HSPA12A: variants seen among roughly 807,000 people sequenced by gnomAD.
HSPA12A encodes the protein heat shock protein family A (Hsp70) member 12A.
In HSPA12A, 28 loss-of-function variants were observed where a neutral mutation model predicts 69.2. The ratio of observed to expected loss-of-function variants is 0.40; its 90% CI spans 0.30 to 0.55. HSPA12A has a LOEUF of 0.55. Ranked by LOEUF, HSPA12A falls within the 20% of genes least tolerant of loss-of-function variation. The probability of loss-of-function intolerance (pLI) is 0.38; values close to 1 mark genes in which losing one functional copy is unlikely to be tolerated. For synonymous variants in HSPA12A, 345 were observed against 370.5 expected (o/e 0.93, Z 0.79); for missense variants, 686 against 900.7 (o/e 0.76, Z 3.05).
chr10:116,767,504 C>T (rs1554889902), intron 2 of HSPA12A, among the ~76,000 whole-genome samples: 1 of 152,236 alleles, frequency 6.6e-6, no homozygotes, highest in African/African-American at 2.4e-5. Context: ...CTCCCGGCCC[C>T]TCCCTTCTCT....
At chr10:116,681,741 G>C in intron 8 of HSPA12A, 50 bp downstream of exon 8, 1 of 1,529,260 alleles carries the variant, frequency 6.5e-7, no homozygotes, top group Non-Finnish European at 9.0e-7. Context: ...GGCTTTTCAC[G>C]AGCAGCACAG....
At chr10:116,750,490 G>T in intron 2 of HSPA12A, 1 of 504,460 alleles carries the variant, frequency 2.0e-6, no homozygotes, top group Non-Finnish European at 3.7e-6. Context: ...TGCATCGAAA[G>T]CACATCATCA....
chr10:116,812,948 A>G (rs1438506288), intron 2 of HSPA12A, among the ~76,000 whole-genome samples: 1 of 152,200 alleles, frequency 6.6e-6, no homozygotes, highest in East Asian at 1.9e-4. Flanking sequence ...ACCATGAGAC[A>G]TCTGCCAAGT....
At chr10:116,737,221 A>G (rs1554886510) in intron 1 of HSPA12A, among the ~76,000 whole-genome samples, 4 of 152,152 alleles carry the variant, frequency 2.6e-5, no homozygotes, top group Non-Finnish European at 4.4e-5. Context: ...ACATTTAACC[A>G]CTACGCTTCC....
intron 2 of HSPA12A, among the ~76,000 whole-genome samples, chr10:116,812,018 C>A (rs1174816375): frequency 1.3e-5 from 2 of 152,132 alleles, no homozygotes; most frequent in Non-Finnish European, 2.9e-5. Context: ...TCTGGCCACT[C>A]GTCTTCTGGA....
chr10:116,749,410 C>T (rs1426651143), intron 2 of HSPA12A, among the ~76,000 whole-genome samples: 1 of 151,858 alleles, frequency 6.6e-6, no homozygotes, highest in Non-Finnish European at 1.5e-5. Context: ...TTAATGTCCC[C>T]CATTTTACAG....
At chr10:116,791,776 ACC>A (rs1464056668) in intron 2 of HSPA12A, among the ~76,000 whole-genome samples, 3 of 151,518 alleles carry the variant, frequency 2.0e-5, no homozygotes, top group East Asian at 1.9e-4. Flanking sequence ...CCCTGCCAGC[ACC>A]CCCGAGTTCA....
chr10:116,849,615 C>G, exon 1 of HSPA12A: 1 of 1,550,052 alleles, frequency 6.5e-7, no homozygotes, highest in Non-Finnish European at 8.7e-7. Context: ...TAGGGAGCTG[C>G]AGAAGCTGAA....
intron 2 of HSPA12A, among the ~76,000 whole-genome samples, chr10:116,792,840 G>GAAAAGAGAAA: frequency 6.7e-6 from 1 of 149,812 alleles, no homozygotes; most frequent in East Asian, 2.0e-4. Flanking sequence ...AAAAAGAAAA[G>GAAAAGAGAAA]AGAAAAGAAA....
Position 116,732,324 on chromosome 10 carries a change from A to AAAAC in HSPA12A, c.40+10102_40+10105dup, listed in dbSNP as rs1554885896. On this transcript the variant is annotated intron_variant, in intron 1 of 11. Coordinates refer to ENST00000369209, the MANE Select transcript of HSPA12A (RefSeq NM_025015.3). Reference sequence around the variant, plus strand: ...CAGCCTGGGTGACTCCGTCTCAAAAAAAACAAAGAAAGAAAGAAAGAAAGA... The same window carrying AAAAC: ...CAGCCTGGGTGACTCCGTCTCAAAAAAAACAAACAAAGAAAGAAAGAAAGAAAGA... 5.8e-4 allele frequency among the ~76,000 whole-genome samples: 16 copies of AAAAC among 27,478 alleles called. 1 individual carries two copies. The highest frequency in any genetic ancestry group is 1.3e-3 in the Non-Finnish European group (14 of 10,672). The allele number at this position is 27,478 out of a possible 152,430, so 18.0% of individuals were successfully genotyped here.
At chr10:116,782,987 C>G (rs1267839984) in intron 2 of HSPA12A, among the ~76,000 whole-genome samples, 1 of 152,096 alleles carries the variant, frequency 6.6e-6, no homozygotes, top group Admixed American at 6.6e-5. Context: ...CATGGTGGGC[C>G]CCAAGGCGAA....
chr10:116,835,680 G>GC (rs1398909265), intron 1 of HSPA12A, among the ~76,000 whole-genome samples: 1 of 152,210 alleles, frequency 6.6e-6, no homozygotes, highest in Non-Finnish European at 1.5e-5. Flanking sequence ...ATTTCTAGAA[G>GC]CCCCACGAAC....
chr10:116,828,144 A>T (rs1845545292), intron 2 of HSPA12A, among the ~76,000 whole-genome samples: 1 of 152,226 alleles, frequency 6.6e-6, no homozygotes, highest in Non-Finnish European at 1.5e-5. Context: ...TTATAGAATA[A>T]AAGGAAGAGC....
rs372246955 is a variant in HSPA12A, at chr10:116,672,817, A to C, written c.*1964T>G. On this transcript the variant is annotated 3_prime_UTR_variant, in exon 12 of 12. Coordinates refer to ENST00000369209, the MANE Select transcript of HSPA12A (RefSeq NM_025015.3). ...TACCATTTAGCGTTTGAAGCAGGGC[A>C]GGTAGCAAGAGAACATTAGCAAAGA... 1 of 152,754 alleles carries C rather than the reference A, an allele frequency of 6.5e-6. No homozygotes were observed. Among genetic ancestry groups the C allele is most frequent in the East Asian group, 1.9e-4 (1 of 5,180 alleles). 9.5% of individuals were successfully genotyped at this position (152,754 alleles called of 1,614,324 possible).
intron 9 of HSPA12A, 111 bp from the exon 10 acceptor site, chr10:116,679,872 C>G (rs1387445269): frequency 1.4e-5 from 15 of 1,093,108 alleles, no homozygotes; most frequent in Non-Finnish European, 1.6e-5. Flanking sequence ...AGCAATGGGA[C>G]GGCAGCTATA....
upstream of HSPA12A, chr10:116,742,572 G>A (rs1554887373): frequency 3.5e-6 from 4 of 1,144,290 alleles, no homozygotes; most frequent in African/African-American, 3.3e-5. Context: ...TGTCTGAGCC[G>A]CCGGGCAGCG....
chr10:116,675,943 T>C lies in HSPA12A; in HGVS notation c.1390+456A>G, dbSNP rs1464646908. On this transcript the variant is annotated intron_variant, in intron 11 of 11. Transcript: ENST00000369209. This position sits in a 1 kb window ranked among gnomAD's most constrained non-coding sequence, Gnocchi z 5.2. The stretch of plus-strand genomic sequence containing the variant: ...TTCCATTTGCTTGCAGAACTTCCTT[T>C]GATTCACACAACAGTTCCTTCTCCC... Among the ~76,000 whole-genome samples the C allele has an allele frequency of 1.3e-5, 2 of 152,178 alleles. No homozygotes were observed. The highest frequency in any genetic ancestry group is 2.9e-5 in the Non-Finnish European group (2 of 68,030).
At chr10:116,764,216 A>G (rs1554889552) in intron 2 of HSPA12A, among the ~76,000 whole-genome samples, 1 of 152,218 alleles carries the variant, frequency 6.6e-6, no homozygotes, top group African/African-American at 2.4e-5. Context: ...TTATAGATTT[A>G]TACTTTGATC....
At chr10:116,806,093 G>A (rs1208531866) in intron 2 of HSPA12A, among the ~76,000 whole-genome samples, 2 of 152,224 alleles carry the variant, frequency 1.3e-5, no homozygotes, top group Non-Finnish European at 2.9e-5. Flanking sequence ...GTGCTGACAA[G>A]TGTGTCATGG....
Sources: allele counts gnomAD v4.1 joint callset (sites outside exome capture counted in the v4.1 genomes callset), GRCh38; gene constraint gnomAD v4.1.1; non-coding constraint Gnocchi (gnomAD v3.1); transcripts MANE v1.5; gene names NCBI Gene and HGNC (gene_info 2026-07-23, HGNC 2026-07-21).